NUP88: variants seen among roughly 807,000 people sequenced by gnomAD.
NUP88 encodes the protein nucleoporin 88.
A neutral mutation model predicts 93.9 loss-of-function variants in NUP88; 57 were observed. The observed-to-expected ratio is 0.61, with a 90% CI of 0.49 to 0.76. NUP88 has a LOEUF of 0.76. Ranked by LOEUF, NUP88 falls within the 30% of genes least tolerant of loss-of-function variation. NUP88 has a pLI of 0.00. For synonymous variants in NUP88, 346 were observed against 336.8 expected, an observed-to-expected ratio of 1.03 and a Z score of -0.30; for missense variants, 911 against 901.0, an observed-to-expected ratio of 1.01 and a Z score of -0.14.
At chr17:5,394,756 G>A in intron 9 of NUP88, 135 bp downstream of exon 9, 1 of 642,094 alleles carries the variant, frequency 1.6e-6, no homozygotes, top group Non-Finnish European at 2.8e-6. Context: ...ACTCTTAGGG[G>A]AGAAGTATCA....
chr17:5,391,705 C>G, intron 9 of NUP88, 43 bp from the exon 10 acceptor site: 3 of 1,515,948 alleles, frequency 2.0e-6, no homozygotes, highest in Non-Finnish European at 2.7e-6. Flanking sequence ...GCAGCAAATG[C>G]AATGGAACCA....
intron 9 of NUP88, among the ~76,000 whole-genome samples, chr17:5,394,444 C>T (rs1030556580): frequency 6.6e-6 from 1 of 152,098 alleles, no homozygotes; most frequent in South Asian, 2.1e-4. Context: ...GAAGGGCAGA[C>T]ACAGTCTCTG....
intron 1 of NUP88, 86 bp downstream of exon 1, chr17:5,419,268 A>T: frequency 7.1e-7 from 1 of 1,407,528 alleles, no homozygotes; most frequent in Non-Finnish European, 9.4e-7. Flanking sequence ...CTGCCACAAG[A>T]TGAAAAACAG....
rs143994145 is a variant in NUP88 at position 5,414,097 on chromosome 17, T to C, written c.505A>G (p.Thr169Ala). ...PVAERFFTSS[T>A]SLTLKHAAWY... The stretch of plus-strand genomic sequence containing the variant: ...GCAGCATGCTTTAGAGTCAGAGAGG[T>C]GGAACTGGTGAAAAATCTCTCCGCA... The change falls in exon 3 of 17, where the codon ACC (threonine) becomes GCC (alanine). Residue 169 changes from threonine to alanine, a missense_variant. Thr to Ala is a moderately conservative substitution (Grantham distance 58). Coordinates refer to ENST00000573584, the MANE Select transcript of NUP88 (RefSeq NM_002532.6). The C allele has an allele frequency of 3.0e-5, 49 of 1,613,770 alleles. No homozygotes were observed. Among genetic ancestry groups the C allele is most frequent in the East Asian group, 2.5e-4 (11 of 44,872 alleles).
intron 5 of NUP88, 149 bp from the exon 6 acceptor site, chr17:5,405,392 A>G: frequency 1.5e-6 from 1 of 673,816 alleles, no homozygotes; most frequent in Non-Finnish European, 2.4e-6. Context: ...TCGCTTTCCC[A>G]CTCAGATCCC....
intron 7 of NUP88, among the ~76,000 whole-genome samples, chr17:5,401,276 G>C (rs936960091): frequency 6.6e-6 from 1 of 152,046 alleles, no homozygotes; most frequent in Admixed American, 6.5e-5. Context: ...CCAGCTACTC[G>C]GGAGGCTGAG....
intron 7 of NUP88, among the ~76,000 whole-genome samples, chr17:5,400,163 G>T (rs1913061761): frequency 1.4e-5 from 1 of 70,534 alleles, no homozygotes; most frequent in African/African-American, 5.0e-5. Context: ...AAAAAGCACT[G>T]TGAACCACAA....
In NUP88 at chr17:5,388,810, T is replaced by C. The variant is rs750111728; in HGVS notation, c.1635A>G (p.Ala545=). ...TGCCCAAGGTTGCATACTTCAAAAA[T>C]GCTGGATTGGCAACACTACGTTGCA... ...SILQRSVANP[A]FLKASEKDIA... is the part of the protein sequence containing the mutation. The change falls in exon 11 of 17, where the codon GCA becomes GCG. Residue 545 remains alanine (A), a synonymous_variant. Transcript: ENST00000573584. 2 of 1,613,300 alleles carry C rather than the reference T, an allele frequency of 1.2e-6. No individual in the cohort carries two copies. The highest frequency in any genetic ancestry group is 2.7e-5 in the African/African-American group (2 of 74,892).
In NUP88 at chr17:5,399,544, A is replaced by C. The variant is rs1913013880; in HGVS notation, c.1291+8T>G. ...TCTATTAAAAGTGCAGAGAGTTAGT[A>C]AACTCACCTGATCCAAGAAATTTGT... On this transcript the variant is annotated splice_region_variant and intron_variant, in intron 8 of 16. Transcript: ENST00000573584. The C allele has an allele frequency of 6.7e-7, 1 of 1,488,592 alleles. No homozygotes were observed. Among genetic ancestry groups the C allele is most frequent in the South Asian group, 1.2e-5 (1 of 86,594 alleles). The allele number at this position is 1,488,592 out of a possible 1,614,324, so 92.2% of individuals were successfully genotyped here.
At chr17:5,387,202 T>C (rs919341828) in intron 14 of NUP88, 92 bp from the exon 15 acceptor site, 15 of 1,461,448 alleles carry the variant, frequency 1.0e-5, no homozygotes, top group South Asian at 8.6e-5. Context: ...ATCTGGTGTT[T>C]CTGAAGTAGG....
At chr17:5,416,378 A>G in intron 2 of NUP88, 135 bp downstream of exon 2, 1 of 568,664 alleles carries the variant, frequency 1.8e-6, no homozygotes, top group Non-Finnish European at 3.0e-6. Context: ...TTGATAACAC[A>G]GAAGCCAGTC....
chr17:5,393,111 C>G (rs1039704090), intron 9 of NUP88, among the ~76,000 whole-genome samples: 3 of 124,360 alleles, frequency 2.4e-5, no homozygotes, highest in South Asian at 3.4e-4. Context: ...CGCCACTACA[C>G]CCAGCTAATT....
Position 5,385,841 on chromosome 17 carries a change from G to A in NUP88, c.*365C>T. ...TGTGGTCTTCTCCTTTGAATCCTAG[G>A]GTTCTATCCCTCTTCAGAGTCATGT... On this transcript the variant is annotated 3_prime_UTR_variant, in exon 17 of 17. Transcript: ENST00000573584. 1 of 258,828 alleles carries A rather than the reference G, an allele frequency of 3.9e-6. No homozygotes were observed. The highest frequency in any genetic ancestry group is 7.3e-6 in the Non-Finnish European group (1 of 136,324). 16.0% of individuals were successfully genotyped at this position (258,828 alleles called of 1,614,324 possible).
At chr17:5,401,650 T>C (rs1597323644) in intron 7 of NUP88, among the ~76,000 whole-genome samples, 1 of 152,248 alleles carries the variant, frequency 6.6e-6, no homozygotes, top group East Asian at 1.9e-4. Context: ...AAAACCCTCA[T>C]CTATGGGAAT....
intron 11 of NUP88, 44 bp from the exon 12 acceptor site, chr17:5,387,948 A>G: frequency 1.3e-6 from 2 of 1,548,138 alleles, no homozygotes; most frequent in South Asian, 2.4e-5. Flanking sequence ...AGCTGAGTAA[A>G]ACAACTGAAA....
At chr17:5,395,123 T>A in intron 8 of NUP88, 142 bp from the exon 9 acceptor site, 1 of 607,592 alleles carries the variant, frequency 1.6e-6, no homozygotes, top group Non-Finnish European at 2.9e-6. Context: ...GACATAGGCA[T>A]ACGCTTTCCC....
chr17:5,398,316 G>A (rs1209650116), intron 8 of NUP88, among the ~76,000 whole-genome samples: 1 of 152,058 alleles, frequency 6.6e-6, no homozygotes, highest in Non-Finnish European at 1.5e-5. Flanking sequence ...TTGAGACGGA[G>A]TCTTGCTCTG....
intron 7 of NUP88, among the ~76,000 whole-genome samples, chr17:5,403,688 A>C (rs982441771): frequency 1.2e-4 from 18 of 152,054 alleles, no homozygotes; most frequent in Admixed American, 2.0e-4. Context: ...AACAAAATCC[A>C]TTTGGTCTGT....
chr17:5,416,703 G>C, intron 1 of NUP88, 21 bp from the exon 2 acceptor site: 3 of 1,582,174 alleles, frequency 1.9e-6, no homozygotes, highest in Non-Finnish European at 2.6e-6. Context: ...GAGCAAACCA[G>C]TCAACATAGT....
Sources: gnomAD v4.1 joint callset for allele counts (sites outside exome capture counted in the v4.1 genomes callset) on GRCh38, gnomAD v4.1.1 for gene constraint, MANE v1.5 for transcripts, NCBI Gene and HGNC (gene_info 2026-07-23, HGNC 2026-07-21) for gene names.